The following MTMR14 variants were observed in gnomAD, a reference collection of about 807,000 sequenced individuals.
MTMR14 encodes phosphatidylinositol-3,5-bisphosphate 3-phosphatase MTMR14.
Under a neutral mutation model 86.3 loss-of-function variants are expected in MTMR14, and 48 were observed. The observed-to-expected ratio is 0.56, with a 90% CI of 0.44 to 0.71. The LOEUF (loss-of-function observed/expected upper bound fraction) is 0.71, where lower values mean the gene tolerates loss of function less well. MTMR14 is among the 30% of genes least tolerant of loss of function. The pLI is 0.00. For missense variants in MTMR14, 780 were observed against 834.6 expected (o/e 0.93, Z 0.81); for synonymous variants, 366 against 326.1 (o/e 1.12, Z -1.32).
At chr3:9,665,785 G>A (rs1297847601) in intron 3 of MTMR14, among the ~76,000 whole-genome samples, 2 of 148,238 alleles carry the variant, frequency 1.3e-5, no homozygotes, top group East Asian at 2.0e-4. Context: ...TTGGAGTGCA[G>A]TGGCGCGATC....
At chr3:9,664,214 T>C (rs2048119826) in intron 3 of MTMR14, among the ~76,000 whole-genome samples, 1 of 150,588 alleles carries the variant, frequency 6.6e-6, no homozygotes, top group Admixed American at 6.7e-5. Context: ...CGAAAAGCAT[T>C]ATCTGTCAAA....
chr3:9,651,592 A>C (rs889426127), intron 1 of MTMR14, among the ~76,000 whole-genome samples: 2 of 152,206 alleles, frequency 1.3e-5, no homozygotes, highest in Non-Finnish European at 2.9e-5. Context: ...ATTTATAACA[A>C]TTCAGGCAGA....
Position 9,701,785 on chromosome 3 carries a change from CA to C in MTMR14, c.1770-4del. ...TCTTTGTTCTTTCTCTTGACCTCCC[CA>C]TAGGCTTGCAGCCCTGAGTGATCGA... On this transcript the variant is annotated splice_region_variant and splice_polypyrimidine_tract_variant and intron_variant, in intron 18 of 18. Coordinates refer to ENST00000296003, the MANE Select transcript of MTMR14 (RefSeq NM_001077525.3). This position sits in a 1 kb window ranked among gnomAD's most constrained non-coding sequence, Gnocchi z 4.2. The C allele has an allele frequency of 6.2e-7, 1 of 1,613,634 alleles. No homozygotes were observed. The highest frequency in any genetic ancestry group is 1.6e-4 in the Middle Eastern group (1 of 6,062).
intron 15 of MTMR14, 78 bp downstream of exon 15, chr3:9,688,832 T>C: frequency 1.9e-6 from 3 of 1,607,564 alleles, no homozygotes; most frequent in Non-Finnish European, 2.6e-6. Flanking sequence ...CTGTTTGTGC[T>C]AAGAGGTTTT....
chr3:9,686,979 C>G (rs1400416656), intron 13 of MTMR14, among the ~76,000 whole-genome samples: 1 of 152,232 alleles, frequency 6.6e-6, no homozygotes, highest in African/African-American at 2.4e-5. Flanking sequence ...ACCCTCACAG[C>G]TCCTCAGCAA....
intron 18 of MTMR14, chr3:9,699,354 AG>A (rs2076383821): frequency 6.6e-6 from 1 of 152,222 alleles, no homozygotes; most frequent in African/African-American, 2.4e-5. Context: ...CCTACAATTT[AG>A]GCCCCAGGCA....
intron 14 of MTMR14, among the ~76,000 whole-genome samples, chr3:9,688,160 C>A (rs1040726510): frequency 6.6e-6 from 1 of 152,160 alleles, no homozygotes; most frequent in African/African-American, 2.4e-5. Context: ...TCTCTCATGA[C>A]CAAGAAAACA....
chr3:9,682,812 T>G (rs1446398188), intron 9 of MTMR14, among the ~76,000 whole-genome samples: 1 of 152,208 alleles, frequency 6.6e-6, no homozygotes, highest in East Asian at 1.9e-4. Flanking sequence ...TTACCTTTAC[T>G]GGCTTCCTGG....
intron 3 of MTMR14, among the ~76,000 whole-genome samples, chr3:9,663,103 G>A (rs370968808): frequency 2.0e-5 from 3 of 152,198 alleles, no homozygotes; most frequent in Admixed American, 2.0e-4. Context: ...CCATTGTGAC[G>A]TTTGAGCGGG....
intron 17 of MTMR14, among the ~76,000 whole-genome samples, chr3:9,695,161 T>C (rs2076247262): frequency 6.6e-6 from 1 of 152,232 alleles, no homozygotes; most frequent in African/African-American, 2.4e-5. Flanking sequence ...CTGGAAGGCT[T>C]TTCCTCCCTT....
intron 18 of MTMR14, 27 bp downstream of exon 18, chr3:9,697,893 A>C (rs749005888): frequency 6.8e-5 from 109 of 1,613,310 alleles, no homozygotes; most frequent in Non-Finnish European, 8.2e-5. Context: ...AGAAGGCAGG[A>C]TGCTCCCCTG....
At chr3:9,655,315 C>T (rs1013668570) in intron 2 of MTMR14, among the ~76,000 whole-genome samples, 3 of 150,682 alleles carry the variant, frequency 2.0e-5, no homozygotes, top group Non-Finnish European at 3.0e-5. Flanking sequence ...TGCAGTGAGC[C>T]GAGATTGCAC....
chr3:9,654,694 G>A (rs1018172307), intron 2 of MTMR14, among the ~76,000 whole-genome samples: 1 of 152,224 alleles, frequency 6.6e-6, no homozygotes, highest in Non-Finnish European at 1.5e-5. Context: ...GAGGAGTACC[G>A]CAGCAGTCAT....
chr3:9,650,309 C>A (rs953265168), intron 1 of MTMR14: 1 of 456,384 alleles, frequency 2.2e-6, no homozygotes, highest in African/African-American at 2.0e-5. Context: ...TTTTTGCTCC[C>A]TTTGGGATTT....
chr3:9,685,106 C>T (rs1380476497), intron 12 of MTMR14, 105 bp from the exon 13 acceptor site: 1 of 1,543,104 alleles, frequency 6.5e-7, no homozygotes, highest in Non-Finnish European at 9.0e-7. Context: ...CAGGCCCCAC[C>T]TGCCACGCTG....
intron 7 of MTMR14, among the ~76,000 whole-genome samples, chr3:9,673,409 G>A (rs985247656): frequency 1.2e-4 from 18 of 152,240 alleles, no homozygotes; most frequent in African/African-American, 4.3e-4. Context: ...GGATATTAAA[G>A]CTGTTGGTCT....
rs141796408 is a variant in MTMR14 at position 9,660,536 on chromosome 3, C to T, written c.309-1731C>T. Among the ~76,000 whole-genome samples the T allele has an allele frequency of 6.3e-3, 956 of 152,292 alleles. 6 individuals carry two copies. The highest frequency in any genetic ancestry group is 9.8e-3 in the Non-Finnish European group (669 of 68,024). On this transcript the variant is annotated intron_variant, in intron 2 of 18. Coordinates refer to ENST00000296003, the MANE Select transcript of MTMR14 (RefSeq NM_001077525.3). ...TTGGCCTCCCAAAGTGCTAGGATTA[C>T]AGGTGTGAGCCACCACGCCTGGCCC...
chr3:9,652,056 T>G (rs980052349), intron 1 of MTMR14, among the ~76,000 whole-genome samples: 12 of 152,104 alleles, frequency 7.9e-5, no homozygotes, highest in Admixed American at 7.9e-4. Flanking sequence ...TATCTCAATC[T>G]CTTGAACTCG....
chr3:9,653,647 G>T lies in MTMR14; in HGVS notation c.186G>T (p.Leu62=). 2 of 1,614,152 alleles carry T rather than the reference G, an allele frequency of 1.2e-6. No homozygotes were observed. Among genetic ancestry groups the T allele is most frequent in the Non-Finnish European group, 1.7e-6 (2 of 1,180,042 alleles). ...TTGAGCGCATTGAGAAGAGATGTCTGGAGCTGTTTGGCCGAGACTACTGTT... is the reference window on the plus strand; with the variant it reads ...TTGAGCGCATTGAGAAGAGATGTCTTGAGCTGTTTGGCCGAGACTACTGTT... The part of the protein sequence containing the change: ...SKVERIEKRC[L]ELFGRDYCFS... Residue 62 remains leucine (L), a synonymous_variant, in exon 2 of 19, where the codon CTG becomes CTT. Coordinates refer to ENST00000296003, the MANE Select transcript of MTMR14 (RefSeq NM_001077525.3).
Sources: gnomAD v4.1 joint callset for allele counts (sites outside exome capture counted in the v4.1 genomes callset) on GRCh38, gnomAD v4.1.1 for gene constraint, Gnocchi (gnomAD v3.1) non-coding constraint, MANE v1.5 for transcripts, NCBI Gene and HGNC (gene_info 2026-07-23, HGNC 2026-07-21) for gene names.